GPHN: variants seen among roughly 807,000 people sequenced by gnomAD.
The protein encoded by GPHN is gephyrin.
A neutral mutation model predicts 95.5 loss-of-function variants in GPHN; 17 were observed. The observed-to-expected ratio is 0.18, with a 90% CI of 0.12 to 0.27. GPHN has a LOEUF of 0.27. GPHN is among the 10% of genes least tolerant of loss of function. GPHN has a pLI of 1.00. For missense variants in GPHN, 660 were observed against 978.1 expected, an observed-to-expected ratio of 0.67 and a Z score of 4.34; for synonymous variants, 320 against 322.5, an observed-to-expected ratio of 0.99 and a Z score of 0.08.
chr14:67,342,005 TCAC>T, the GPHN span, among the ~76,000 whole-genome samples: 13 of 151,690 alleles, frequency 8.6e-5, no homozygotes, highest in African/African-American at 3.2e-4. Flanking sequence ...TTAAGAGTCA[TCAC>T]CACTCCCTAA....
At chr14:67,145,071 T>C (rs193237953) in intron 18 of GPHN, among the ~76,000 whole-genome samples, 5 of 152,324 alleles carry the variant, frequency 3.3e-5, no homozygotes, top group Admixed American at 3.3e-4. Context: ...AAGAAATAAT[T>C]TGCAACTTGT....
chr14:67,721,186 G>A, the GPHN span, among the ~76,000 whole-genome samples: 1 of 152,204 alleles, frequency 6.6e-6, no homozygotes, highest in Non-Finnish European at 1.5e-5. Flanking sequence ...GGAAGGGACA[G>A]AACTGGGAAA....
intron 4 of GPHN, among the ~76,000 whole-genome samples, chr14:66,858,610 G>A (rs769619182): frequency 6.6e-6 from 1 of 151,876 alleles, no homozygotes; most frequent in Non-Finnish European, 1.5e-5. Context: ...GATAGCTATC[G>A]TGAGAGACTC....
intron 16 of GPHN, among the ~76,000 whole-genome samples, chr14:67,120,239 A>C (rs2078945151): frequency 6.6e-6 from 1 of 152,114 alleles, no homozygotes; most frequent in Non-Finnish European, 1.5e-5. Flanking sequence ...GTTTTACCTC[A>C]TATTTTTTTC....
At chr14:67,141,553 A>G (rs2080458874) in intron 17 of GPHN, among the ~76,000 whole-genome samples, 1 of 152,218 alleles carries the variant, frequency 6.6e-6, no homozygotes, top group African/African-American at 2.4e-5. Flanking sequence ...TAATCCTCAT[A>G]ACAACCCTAT....
At chr14:67,137,918 T>C (rs889899380) in intron 17 of GPHN, among the ~76,000 whole-genome samples, 27 of 152,200 alleles carry the variant, frequency 1.8e-4, no homozygotes, top group Middle Eastern at 3.2e-3. Flanking sequence ...ACTACTGATA[T>C]ATACCTAGAA....
At chr14:67,056,368 G>A (rs1426965608) in intron 10 of GPHN, among the ~76,000 whole-genome samples, 2 of 152,094 alleles carry the variant, frequency 1.3e-5, no homozygotes, top group South Asian at 4.2e-4. Context: ...CAAACCTTGA[G>A]CAAGACGCAG....
chr14:67,648,391 C>A, the GPHN span: 3 of 445,874 alleles, frequency 6.7e-6, no homozygotes, highest in Non-Finnish European at 1.2e-5. Context: ...CCAAATTACA[C>A]TAAGGTAATA....
chr14:66,679,300 A>T (rs1288202469), intron 1 of GPHN, among the ~76,000 whole-genome samples: 1 of 152,180 alleles, frequency 6.6e-6, no homozygotes, highest in Non-Finnish European at 1.5e-5. Flanking sequence ...TCTGTTAAAA[A>T]TTCAGCTTTA....
chr14:67,731,312 T>C, the GPHN span, among the ~76,000 whole-genome samples: 3 of 149,822 alleles, frequency 2.0e-5, no homozygotes, highest in African/African-American at 7.4e-5. Context: ...CCTCCTGGGT[T>C]CAAGGGATCC....
At chr14:67,664,726 T>C in the GPHN span, among the ~76,000 whole-genome samples, 18 of 152,310 alleles carry the variant, frequency 1.2e-4, no homozygotes, top group African/African-American at 3.8e-4. Context: ...CTCAAACTCC[T>C]GACCTCAAGT....
chr14:67,018,633 T>C (rs2073437549), intron 9 of GPHN, among the ~76,000 whole-genome samples: 1 of 152,168 alleles, frequency 6.6e-6, no homozygotes, highest in Non-Finnish European at 1.5e-5. Context: ...AACGTATAAC[T>C]GTACATAGAA....
At chr14:67,674,403 G>A in the GPHN span, 2 of 1,603,454 alleles carry the variant, frequency 1.2e-6, no homozygotes, top group Non-Finnish European at 8.5e-7. Flanking sequence ...GCAGCCGCTC[G>A]GGCACCCCTT....
the GPHN span, chr14:67,651,183 G>T: frequency 2.9e-6 from 3 of 1,038,314 alleles, no homozygotes; most frequent in Non-Finnish European, 4.1e-6. Context: ...TATTACCTTG[G>T]TATATCATAC....
intron 2 of GPHN, among the ~76,000 whole-genome samples, chr14:66,686,453 A>T (rs1252646072): frequency 6.6e-6 from 1 of 152,182 alleles, no homozygotes; most frequent in Admixed American, 6.5e-5. Flanking sequence ...TTCTCCTTGA[A>T]GAGGTCCTTC....
chr14:67,710,088 C>T, the GPHN span, among the ~76,000 whole-genome samples: 1 of 152,202 alleles, frequency 6.6e-6, no homozygotes, highest in Admixed American at 6.5e-5. Flanking sequence ...AGTTGTTCCA[C>T]CTTTCCAGAC....
rs77601970 is a variant in GPHN, at chr14:66,773,218, G to A, written c.144-3246G>A. On this transcript the variant is annotated intron_variant, in intron 2 of 22. Coordinates refer to ENST00000478722, the MANE Select transcript of GPHN (RefSeq NM_020806.5). ...GATGGCAGGTAATAAGTTCTTTTGC[G>A]TGCTTTTCACAGGCTGAAGGCTGAT... Among the ~76,000 whole-genome samples, 486 of 152,266 alleles carry A rather than the reference G, an allele frequency of 3.2e-3. 11 individuals are homozygous for A. The highest frequency in any genetic ancestry group is 0.011 in the African/African-American group (444 of 41,552).
the GPHN span, among the ~76,000 whole-genome samples, chr14:67,286,668 C>T: frequency 5.5e-5 from 8 of 145,004 alleles, no homozygotes; most frequent in Admixed American, 2.8e-4. Flanking sequence ...TCAGCCTGGG[C>T]AACCTGGTGA....
At chr14:66,552,797 C>T (rs1555341667) in intron 1 of GPHN, among the ~76,000 whole-genome samples, 1 of 152,062 alleles carries the variant, frequency 6.6e-6, no homozygotes, top group Non-Finnish European at 1.5e-5. Context: ...TCTTATTTCT[C>T]CCATACATGA....
Sources: gnomAD v4.1 joint callset for allele counts (sites outside exome capture counted in the v4.1 genomes callset) on GRCh38, gnomAD v4.1.1 for gene constraint, MANE v1.5 for transcripts, NCBI Gene and HGNC (gene_info 2026-07-23, HGNC 2026-07-21) for gene names.